LRRC49: variants seen among roughly 807,000 people sequenced by gnomAD.
The protein encoded by LRRC49 is leucine-rich repeat-containing protein 49.
Under a neutral mutation model 83.3 loss-of-function variants are expected in LRRC49, and 50 were observed. The ratio of observed to expected loss-of-function variants is 0.60; its 90% CI spans 0.48 to 0.76. LRRC49 has a LOEUF of 0.76. LRRC49 is among the 30% of genes least tolerant of loss of function. The pLI, the probability that LRRC49 is intolerant of heterozygous loss-of-function variation, is 0.00. For synonymous variants in LRRC49, 286 were observed against 283.3 expected (o/e 1.01, Z -0.10); for missense variants, 704 against 809.1 (o/e 0.87, Z 1.58).
chr15:70,901,696 C>CT (rs1219865915), intron 4 of LRRC49, among the ~76,000 whole-genome samples: 2 of 152,158 alleles, frequency 1.3e-5, no homozygotes, highest in African/African-American at 4.8e-5. Flanking sequence ...TAACTATTTA[C>CT]TTATTATGTT....
intron 8 of LRRC49, among the ~76,000 whole-genome samples, chr15:70,948,920 C>T (rs2036111368): frequency 6.6e-6 from 1 of 152,062 alleles, no homozygotes. Context: ...CTTTGCAGGC[C>T]AGTTGGTCTC....
At chr15:70,989,436 G>T (rs1269131273) in intron 11 of LRRC49, among the ~76,000 whole-genome samples, 1 of 152,036 alleles carries the variant, frequency 6.6e-6, no homozygotes, top group Non-Finnish European at 1.5e-5. Flanking sequence ...GGCTCCTGAG[G>T]CTTCTGCATT....
intron 1 of LRRC49, chr15:70,854,049 T>C (rs1388048556): frequency 7.0e-7 from 1 of 1,425,848 alleles, no homozygotes; most frequent in Non-Finnish European, 9.2e-7. Context: ...TGCACCGCCG[T>C]CTTGGGCCCG....
At chr15:70,996,663 G>A (rs1212624356) in intron 11 of LRRC49, among the ~76,000 whole-genome samples, 2 of 152,166 alleles carry the variant, frequency 1.3e-5, no homozygotes, top group East Asian at 3.9e-4. Context: ...ATCTATAGTT[G>A]CTTTATTGGT....
chr15:70,891,991 G>A (rs1033802579), upstream of LRRC49: 15 of 1,613,076 alleles, frequency 9.3e-6, no homozygotes, highest in Non-Finnish European at 7.6e-6. Context: ...TAGGTGCCGG[G>A]GCGGGCACCC....
intron 1 of LRRC49, among the ~76,000 whole-genome samples, chr15:70,860,819 G>T (rs2032771680): frequency 6.6e-6 from 1 of 152,032 alleles, no homozygotes. Context: ...ATGGCTATAT[G>T]GCCACCTAAT....
chr15:71,030,877 A>G (rs11635025), intron 14 of LRRC49, among the ~76,000 whole-genome samples: 67,518 of 151,586 alleles, frequency 0.45, 15,434 homozygotes, highest in East Asian at 0.66. Context: ...CAGGTCATTT[A>G]TGTTCCTTTC....
intron 8 of LRRC49, among the ~76,000 whole-genome samples, chr15:70,947,221 T>G (rs1486984222): frequency 6.6e-6 from 1 of 152,178 alleles, no homozygotes; most frequent in East Asian, 1.9e-4. Context: ...ATGTGTTATT[T>G]TTACCTCAAT....
At chr15:70,994,164 C>T (rs969341610) in intron 11 of LRRC49, among the ~76,000 whole-genome samples, 1 of 152,112 alleles carries the variant, frequency 6.6e-6, no homozygotes, top group African/African-American at 2.4e-5. Context: ...TATTTTTATA[C>T]ACAATGTTAG....
intron 3 of LRRC49, among the ~76,000 whole-genome samples, chr15:70,897,550 A>C (rs937178212): frequency 5.9e-5 from 9 of 152,196 alleles, no homozygotes; most frequent in African/African-American, 2.2e-4. Context: ...CAAGGGTATA[A>C]AATTTTGGAA....
chr15:70,962,822 C>G (rs2036651039), intron 8 of LRRC49, among the ~76,000 whole-genome samples: 1 of 152,066 alleles, frequency 6.6e-6, no homozygotes, highest in African/African-American at 2.4e-5. Context: ...TGAGTGTGGG[C>G]TGTACATGGT....
rs772938631 is a variant in LRRC49, at chr15:70,900,905, T to C, written c.194-17T>C. 2.8e-6 allele frequency: 4 copies of C among 1,446,716 alleles called. No individual in the cohort carries two copies. In the Admixed American group the frequency reaches 7.4e-5, roughly 27 times the overall value. The allele number at this position is 1,446,716 out of a possible 1,614,324, so 89.6% of individuals were successfully genotyped here. On this transcript the variant is annotated splice_polypyrimidine_tract_variant and intron_variant, in intron 3 of 15. Coordinates refer to ENST00000260382, the MANE Select transcript of LRRC49 (RefSeq NM_017691.5). ...AGGTTTTTCTTAATTAAGTAATTTG[T>C]ATATCATTTTTAATAGGTGATCATA...
intron 1 of LRRC49, among the ~76,000 whole-genome samples, chr15:70,868,307 G>A (rs1176719627): frequency 1.3e-5 from 2 of 152,292 alleles, no homozygotes; most frequent in African/African-American, 4.8e-5. Context: ...AGTGTAATAC[G>A]TTATTATGAC....
In LRRC49 at chr15:70,859,816, G is replaced by A; in HGVS notation, c.-299+6347G>A. ...TGCAATGGGCCAGGCAGGATATGGT[G>A]TGGCAGCTGCGTGAGTACCAGGAGC... On this transcript the variant is annotated intron_variant, in intron 1 of 16. Coordinates refer to the LRRC49 transcript ENST00000544974. 3 of 757,636 alleles carry A rather than the reference G, an allele frequency of 4.0e-6. No individual in the cohort carries two copies. In the South Asian group the frequency reaches 4.0e-5, roughly 10 times the overall value. 46.9% of individuals were successfully genotyped at this position (757,636 alleles called of 1,614,324 possible). A position where few individuals can be genotyped will look rare whatever the true frequency, so the allele number is the denominator to read the frequency against.
chr15:71,019,302 C>T (rs2038923169), intron 14 of LRRC49, among the ~76,000 whole-genome samples: 1 of 152,120 alleles, frequency 6.6e-6, no homozygotes, highest in Non-Finnish European at 1.5e-5. Context: ...CTCACACACC[C>T]CAGTTACCAG....
intron 9 of LRRC49, among the ~76,000 whole-genome samples, chr15:70,971,797 CTTTTT>C (rs56230666): frequency 6.1e-5 from 5 of 82,264 alleles, no homozygotes; most frequent in Admixed American, 4.6e-4. Context: ...GTAACCACTC[CTTTTT>C]TTTTTTTTTT....
intron 7 of LRRC49, among the ~76,000 whole-genome samples, chr15:70,925,613 T>G (rs1225959902): frequency 1.3e-5 from 2 of 152,154 alleles, no homozygotes; most frequent in Non-Finnish European, 2.9e-5. Context: ...TTCTTTGTCT[T>G]ATAGTATCAA....
intron 14 of LRRC49, among the ~76,000 whole-genome samples, chr15:71,030,301 C>T (rs2039309658): frequency 6.6e-6 from 1 of 152,136 alleles, no homozygotes; most frequent in Admixed American, 6.6e-5. Context: ...ATATGAAATT[C>T]TGGGTTGAAA....
intron 8 of LRRC49, among the ~76,000 whole-genome samples, chr15:70,939,278 T>G (rs2035716270): frequency 6.6e-6 from 1 of 152,214 alleles, no homozygotes; most frequent in Non-Finnish European, 1.5e-5. Context: ...GCATCTAGCA[T>G]GTATGTGTTC....
Sources: allele counts gnomAD v4.1 joint callset (sites outside exome capture counted in the v4.1 genomes callset), GRCh38; gene constraint gnomAD v4.1.1; transcripts MANE v1.5; gene names NCBI Gene and HGNC (gene_info 2026-07-23, HGNC 2026-07-21).